The following SLAIN1 variants were observed in gnomAD, a reference collection of about 807,000 sequenced individuals.
The protein encoded by SLAIN1 is SLAIN family member 1, also known as SLAIN motif-containing protein 1.
Under a neutral mutation model 55.4 loss-of-function variants are expected in SLAIN1, and 17 were observed. The observed-to-expected ratio is 0.31, with a 90% confidence interval of 0.21 to 0.46. The LOEUF is 0.46. SLAIN1 is among the 20% of genes least tolerant of loss of function. The pLI is 1.00. For synonymous variants in SLAIN1, 348 were observed against 337.4 expected, an observed-to-expected ratio of 1.03 and a Z score of -0.35; for missense variants, 682 against 785.1, an observed-to-expected ratio of 0.87 and a Z score of 1.57.
intron 1 of SLAIN1, among the ~76,000 whole-genome samples, chr13:77,705,089 T>C (rs1309415342): frequency 6.6e-6 from 1 of 151,602 alleles, no homozygotes; most frequent in African/African-American, 2.4e-5. Flanking sequence ...TATATACTTG[T>C]GTGTATACAT....
intron 1 of SLAIN1, among the ~76,000 whole-genome samples, chr13:77,713,707 A>T (rs1246859399): frequency 6.6e-6 from 1 of 152,202 alleles, no homozygotes; most frequent in Non-Finnish European, 1.5e-5. Flanking sequence ...TTCTACTATA[A>T]AGACACATGC....
chr13:77,746,975 G>A (rs902345182), intron 4 of SLAIN1, 120 bp downstream of exon 4: 5 of 847,460 alleles, frequency 5.9e-6, no homozygotes, highest in Middle Eastern at 2.6e-4. Flanking sequence ...CTCCTAGGTT[G>A]GAGTGCAGTG....
intron 1 of SLAIN1, among the ~76,000 whole-genome samples, chr13:77,709,045 A>G (rs1436695518): frequency 6.6e-6 from 1 of 152,004 alleles, no homozygotes; most frequent in Admixed American, 6.6e-5. Flanking sequence ...GCTAACTAGA[A>G]CAACCAGTTC....
chr13:77,726,344 G>C lies in SLAIN1; in HGVS notation c.766+6673G>C, dbSNP rs115572308. Among the ~76,000 whole-genome samples the C allele has an allele frequency of 2.8e-3, 421 of 152,194 alleles. 2 individuals carry two copies. The highest frequency in any genetic ancestry group is 9.6e-3 in the African/African-American group (397 of 41,514). On this transcript the variant is annotated intron_variant, in intron 2 of 6. Coordinates refer to ENST00000418532, the MANE Select transcript of SLAIN1 (RefSeq NM_001242868.2). ...AGATATAATAAGATAGTTATTTTTA[G>C]TGCATATAGTATATTCCTACAGATG... is the stretch of plus-strand genomic sequence containing the variant.
intron 2 of SLAIN1, among the ~76,000 whole-genome samples, chr13:77,736,952 A>T (rs1873150736): frequency 6.6e-6 from 1 of 151,526 alleles, no homozygotes; most frequent in South Asian, 2.1e-4. Context: ...TCCTTGGGTG[A>T]TTTCAATCAT....
chr13:77,746,849 A>G lies in SLAIN1; in HGVS notation c.1252A>G (p.Asn418Asp). 6.2e-7 allele frequency: 1 copy of G among 1,609,950 alleles called. No individual in the cohort carries two copies. Among genetic ancestry groups the G allele is most frequent in the East Asian group, 2.2e-5 (1 of 44,792 alleles). The part of the protein sequence containing the change: ...QTPDQQPNRT[N>D]GDKLRRSMPN... ...TCCAGATCAGCAACCAAATAGGACC[A>G]ATGGAGGTAGGTTGTATGCTTTTTT... The change falls in exon 4 of 7, where the codon AAT becomes GAT. Residue 418 changes from asparagine (N) to aspartate (D), a missense_variant. By Grantham distance (23) the Asn-to-Asp change is conservative. Transcript: ENST00000418532.
chr13:77,708,557 AG>A (rs2091113362), intron 1 of SLAIN1, among the ~76,000 whole-genome samples: 1 of 152,222 alleles, frequency 6.6e-6, no homozygotes, highest in African/African-American at 2.4e-5. Context: ...AAGCTTCCAG[AG>A]GAAGGAACAG....
intron 5 of SLAIN1, among the ~76,000 whole-genome samples, chr13:77,760,257 A>C (rs1256531176): frequency 6.6e-6 from 1 of 152,194 alleles, no homozygotes; most frequent in Non-Finnish European, 1.5e-5. Context: ...GAAATTTTTA[A>C]GGGTTCTTAT....
Position 77,763,181 on chromosome 13 carries a change from C to T in SLAIN1, c.1734C>T (p.Ser578=), listed in dbSNP as rs1875190430. 2.5e-6 allele frequency: 4 copies of T among 1,613,910 alleles called. No individual in the cohort carries two copies. In the African/African-American group the frequency reaches 5.3e-5, roughly 22 times the overall value. ...LQPPKPLSSL[S]TLRDGNWRDG... ...CTCCAAAGCCTCTGTCTTCACTCAG[C>T]ACTCTGAGGGATGGAAATTGGAGAG... The change falls in exon 7 of 7, where the codon AGC becomes AGT. Residue 578 remains serine, a synonymous_variant. Coordinates refer to ENST00000418532, the MANE Select transcript of SLAIN1 (RefSeq NM_001242868.2).
At chr13:77,705,622 G>A (rs999876312) in intron 1 of SLAIN1, among the ~76,000 whole-genome samples, 1 of 151,274 alleles carries the variant, frequency 6.6e-6, no homozygotes, top group East Asian at 1.9e-4. Context: ...TGGAGGGTTA[G>A]AGCTATATAG....
chr13:77,762,272 A>G (rs1474994729), intron 6 of SLAIN1, among the ~76,000 whole-genome samples: 6 of 152,232 alleles, frequency 3.9e-5, no homozygotes, highest in Admixed American at 1.3e-4. Context: ...ATTGTAGACC[A>G]TACATTTATC....
intron 3 of SLAIN1, 62 bp downstream of exon 3, chr13:77,744,494 G>A (rs1873684237): frequency 6.2e-7 from 1 of 1,600,082 alleles, no homozygotes; most frequent in Non-Finnish European, 8.5e-7. Context: ...GGCAGAGGGG[G>A]AGGTTCAGGC....
rs1189075543 is a variant in SLAIN1 at position 77,697,799 on chromosome 13, G to A, written c.-115G>A. ...CCGCCGGCTCGGCCTCAGCCCGCGC[G>A]TGGTCGGCCCCCCAGGCCGGGGCGA... On this transcript the variant is annotated 5_prime_UTR_variant, in exon 1 of 7. In the 5' UTR this introduces an upstream ATG that the reference lacks. Coordinates refer to ENST00000418532, the MANE Select transcript of SLAIN1 (RefSeq NM_001242868.2). 9.1e-7 allele frequency: 1 copy of A among 1,101,630 alleles called. No individual in the cohort carries two copies. The highest frequency in any genetic ancestry group is 1.1e-6 in the Non-Finnish European group (1 of 889,002). The allele number at this position is 1,101,630 out of a possible 1,614,324, so 68.2% of individuals were successfully genotyped here.
chr13:77,732,981 A>C (rs537034633), intron 2 of SLAIN1, among the ~76,000 whole-genome samples: 1 of 152,308 alleles, frequency 6.6e-6, no homozygotes, highest in African/African-American at 2.4e-5. Flanking sequence ...CAGTGGGTTA[A>C]GATCTGAGAA....
At chr13:77,762,608 C>T (rs1004441392) in intron 6 of SLAIN1, among the ~76,000 whole-genome samples, 2 of 152,096 alleles carry the variant, frequency 1.3e-5, no homozygotes, top group East Asian at 1.9e-4. Context: ...CTATGTTGCC[C>T]AAGCTGGTCT....
chr13:77,714,019 TCG>T, intron 1 of SLAIN1, among the ~76,000 whole-genome samples: 1 of 147,314 alleles, frequency 6.8e-6, no homozygotes, highest in Admixed American at 6.8e-5. Flanking sequence ...CCAGGGCCTG[TCG>T]AGGGGTGGGG....
At chr13:77,757,584 C>A (rs61963727) in intron 5 of SLAIN1, among the ~76,000 whole-genome samples, 15,960 of 151,878 alleles carry the variant, frequency 0.11, 885 homozygotes, top group East Asian at 0.12. Flanking sequence ...CCCTCACCAC[C>A]CTCCCAGACT....
At chr13:77,760,116 T>A (rs1320438019) in intron 5 of SLAIN1, among the ~76,000 whole-genome samples, 1 of 152,212 alleles carries the variant, frequency 6.6e-6, no homozygotes. Flanking sequence ...TAAGCAGAAT[T>A]CTGTGCATAA....
chr13:77,699,154 G>C, intron 1 of SLAIN1: 1 of 1,217,548 alleles, frequency 8.2e-7, no homozygotes, highest in Non-Finnish European at 1.1e-6. Flanking sequence ...TTTTTAAAAT[G>C]GGGTGACCTC....
Sources: allele counts gnomAD v4.1 joint callset (sites outside exome capture counted in the v4.1 genomes callset), GRCh38; gene constraint gnomAD v4.1.1; transcripts MANE v1.5; gene names NCBI Gene and HGNC (gene_info 2026-07-23, HGNC 2026-07-21).